Variants in DLGAP1 observed in about 807,000 individuals in gnomAD.
DLGAP1 encodes DLG associated protein 1.
In DLGAP1, 11 loss-of-function variants were observed where a neutral mutation model predicts 90.8. The ratio of observed to expected loss-of-function variants is 0.12; its 90% CI spans 0.08 to 0.20. The LOEUF (loss-of-function observed/expected upper bound fraction) is 0.20. Ranked by LOEUF, DLGAP1 falls within the 10% of genes least tolerant of loss-of-function variation. The probability of loss-of-function intolerance (pLI) is 1.00; values close to 1 mark genes in which losing one functional copy is unlikely to be tolerated. For synonymous variants in DLGAP1, 558 were observed against 540.7 expected (o/e 1.03, Z -0.44); for missense variants, 1,050 against 1,333.8 (o/e 0.79, Z 3.31).
chr18:3,776,061 C>T (rs190963393), intron 5 of DLGAP1, among the ~76,000 whole-genome samples: 7 of 152,236 alleles, frequency 4.6e-5, no homozygotes, highest in Admixed American at 6.5e-5. Flanking sequence ...CACCCCCATC[C>T]GGCACAGGAT....
chr18:4,025,616 A>C (rs1233019001), intron 2 of DLGAP1, among the ~76,000 whole-genome samples: 1 of 152,146 alleles, frequency 6.6e-6, no homozygotes, highest in Admixed American at 6.5e-5. Flanking sequence ...TTTTTGGACA[A>C]TAACATTGTC....
At chr18:3,546,283 A>T (rs953068515) in intron 9 of DLGAP1, among the ~76,000 whole-genome samples, 1 of 151,984 alleles carries the variant, frequency 6.6e-6, no homozygotes, top group Non-Finnish European at 1.5e-5. Flanking sequence ...GCATGGTGGC[A>T]TGCACCTGTA....
chr18:3,586,002 G>A (rs915211737), intron 7 of DLGAP1, among the ~76,000 whole-genome samples: 1 of 152,208 alleles, frequency 6.6e-6, no homozygotes, highest in African/African-American at 2.4e-5. Flanking sequence ...ACTGCAATTG[G>A]ACGCCACCTG....
intron 1 of DLGAP1, among the ~76,000 whole-genome samples, chr18:4,343,632 C>T (rs1464673482): frequency 1.3e-5 from 2 of 151,892 alleles, no homozygotes; most frequent in Non-Finnish European, 2.9e-5. Flanking sequence ...GGGAACATCA[C>T]ACACTGGTGC....
intron 7 of DLGAP1, among the ~76,000 whole-genome samples, chr18:3,616,669 C>T (rs1230100574): frequency 6.6e-6 from 1 of 151,872 alleles, no homozygotes; most frequent in East Asian, 1.9e-4. Context: ...GTTGGAGGAT[C>T]ACTTGAGCCC....
At position 3,879,593 on chromosome 18, in the gene DLGAP1, G is replaced by C. The variant is rs2071095645; in HGVS notation, c.476C>G (p.Ser159Cys). 5 of 1,601,336 alleles carry C rather than the reference G, an allele frequency of 3.1e-6. No individual in the cohort carries two copies. The highest frequency in any genetic ancestry group is 3.4e-6 in the Non-Finnish European group (4 of 1,177,888). ...CTTGCCCCCGTTGACGCTGCCCTTG[G>C]ACGGCCCCTCCAGGGAGTGCGACTT... ...FTKSHSLEGPSKGSVNGGKAS... is the reference protein window; with the variant it reads ...FTKSHSLEGPCKGSVNGGKAS... The change falls in exon 4 of 13, where the codon TCC becomes TGC. Residue 159 changes from serine to cysteine, a missense_variant. Physicochemically the swap from Ser to Cys is moderately radical, Grantham distance 112. This residue lies in a region of DLGAP1 where 485 missense variants were observed against 454.1 expected (regional missense o/e 1.07). Transcript: ENST00000315677. This position sits in a 1 kb window ranked among gnomAD's most constrained non-coding sequence, Gnocchi z 6.6.
At chr18:3,585,956 T>C (rs1447530285) in intron 7 of DLGAP1, among the ~76,000 whole-genome samples, 2 of 152,204 alleles carry the variant, frequency 1.3e-5, no homozygotes, top group Non-Finnish European at 2.9e-5. Flanking sequence ...CCTTGGGGAC[T>C]GAGCCTCCAG....
intron 1 of DLGAP1, among the ~76,000 whole-genome samples, chr18:4,384,698 A>G (rs1348645347): frequency 6.6e-6 from 1 of 152,102 alleles, no homozygotes; most frequent in Non-Finnish European, 1.5e-5. Context: ...ACCAATCGAG[A>G]AAGACTACCT....
intron 1 of DLGAP1, among the ~76,000 whole-genome samples, chr18:4,274,967 T>A (rs1389733768): frequency 6.6e-6 from 1 of 152,166 alleles, no homozygotes; most frequent in Non-Finnish European, 1.5e-5. Context: ...TTTTTGAAAT[T>A]TAAGAAATAA....
At chr18:3,639,447 C>T (rs1050159828) in intron 7 of DLGAP1, among the ~76,000 whole-genome samples, 11 of 151,686 alleles carry the variant, frequency 7.3e-5, no homozygotes, top group African/African-American at 2.7e-4. Context: ...CTATTAGCAG[C>T]GTCCAGAGGA....
chr18:4,037,618 A>G (rs559418971), intron 2 of DLGAP1, among the ~76,000 whole-genome samples: 33 of 152,342 alleles, frequency 2.2e-4, no homozygotes, highest in African/African-American at 7.7e-4. Context: ...AAGTGTCCCC[A>G]GATTGAAACT....
At chr18:3,655,248 C>T (rs1253303311) in intron 7 of DLGAP1, among the ~76,000 whole-genome samples, 1 of 152,076 alleles carries the variant, frequency 6.6e-6, no homozygotes, top group African/African-American at 2.4e-5. Flanking sequence ...CGACAAACTC[C>T]CAATAAACGA....
At chr18:3,821,960 CA>C in intron 4 of DLGAP1, 1 of 983,382 alleles carries the variant, frequency 1.0e-6, no homozygotes, top group Non-Finnish European at 1.2e-6. Context: ...TTCACCTTGA[CA>C]AATGCGACTT....
At chr18:4,000,667 T>G (rs1381164969) in intron 3 of DLGAP1, among the ~76,000 whole-genome samples, 2 of 152,214 alleles carry the variant, frequency 1.3e-5, no homozygotes, top group East Asian at 3.8e-4. Flanking sequence ...TATTTAAAGA[T>G]CAATGTTGCT....
At chr18:3,797,336 A>AAAAG (rs2066048474) in intron 5 of DLGAP1, among the ~76,000 whole-genome samples, 1 of 151,904 alleles carries the variant, frequency 6.6e-6, no homozygotes, top group African/African-American at 2.4e-5. Context: ...AAAAAAAAAA[A>AAAAG]AAAAGAAGAA....
chr18:3,906,427 C>T (rs2071907388), intron 3 of DLGAP1, among the ~76,000 whole-genome samples: 1 of 152,162 alleles, frequency 6.6e-6, no homozygotes, highest in African/African-American at 2.4e-5. Flanking sequence ...CACTCACCAG[C>T]TTAAGGGACA....
At chr18:3,698,655 T>A (rs972912832) in intron 7 of DLGAP1, among the ~76,000 whole-genome samples, 17 of 152,148 alleles carry the variant, frequency 1.1e-4, no homozygotes, top group Non-Finnish European at 1.9e-4. Flanking sequence ...CTTTGTAGTG[T>A]TCTCTGTATT....
At chr18:3,924,390 C>G (rs928066808) in intron 3 of DLGAP1, among the ~76,000 whole-genome samples, 1 of 152,214 alleles carries the variant, frequency 6.6e-6, no homozygotes, top group Non-Finnish European at 1.5e-5. Context: ...CTTCCTCCCC[C>G]ACTGCCACCC....
intron 7 of DLGAP1, among the ~76,000 whole-genome samples, chr18:3,634,639 T>C (rs1203932353): frequency 6.6e-6 from 1 of 152,226 alleles, no homozygotes; most frequent in Non-Finnish European, 1.5e-5. Flanking sequence ...TAAGACACAC[T>C]TTGTGATTTT....
Sources: gnomAD v4.1 joint callset for allele counts (sites outside exome capture counted in the v4.1 genomes callset) on GRCh38, gnomAD v4.1.1 for gene constraint, gnomAD v4.1.1 regional missense constraint, Gnocchi (gnomAD v3.1) non-coding constraint, MANE v1.5 for transcripts, NCBI Gene and HGNC (gene_info 2026-07-23, HGNC 2026-07-21) for gene names.